ZIK1: variants seen among roughly 807,000 people sequenced by gnomAD.
ZIK1 encodes the protein zinc finger protein interacting with K protein 1.
ZIK1 carries 12 observed loss-of-function variants against 10.7 expected under a neutral mutation model. The observed-to-expected ratio is 1.12, with a 90% CI of 0.72 to 1.81. ZIK1 has a LOEUF of 1.81. ZIK1 is among the 40% of genes most tolerant of loss of function. The probability of loss-of-function intolerance (pLI) is 0.00; values close to 1 mark genes in which losing one functional copy is unlikely to be tolerated. For missense variants in ZIK1, 497 were observed against 585.7 expected, an observed-to-expected ratio of 0.85 and a Z score of 1.56; for synonymous variants, 190 against 205.0, an observed-to-expected ratio of 0.93 and a Z score of 0.63.
At chr19:57,589,198 C>T in intron 3 of ZIK1, 1 of 940,690 alleles carries the variant, frequency 1.1e-6, no homozygotes, top group Non-Finnish European at 1.3e-6. Context: ...CATGAAGGTC[C>T]CACATAGCTA....
intron 2 of ZIK1, 101 bp from the exon 3 acceptor site, chr19:57,588,438 G>A: frequency 7.8e-7 from 1 of 1,277,792 alleles, no homozygotes; most frequent in Non-Finnish European, 1.0e-6. Flanking sequence ...GTGGGCATCT[G>A]TGTCACCAGG....
chr19:57,591,119 G>C lies in ZIK1; in HGVS notation c.1308G>C (p.Glu436Asp). The C allele has an allele frequency of 1.2e-6, 2 of 1,614,186 alleles. No individual in the cohort carries two copies. Among genetic ancestry groups the C allele is most frequent in the Non-Finnish European group, 1.7e-6 (2 of 1,180,036 alleles). The change falls in exon 4 of 4, where the codon GAG becomes GAC. Residue 436 changes from glutamate to aspartate, a missense_variant. Coordinates refer to ENST00000597850, the MANE Select transcript of ZIK1 (RefSeq NM_001010879.4). ...TTCATACTGGAGCAAGGCCTTATGAGTGTGGCCAGTGTGGAAAGTCCTTTA... is the reference window on the plus strand; with the variant it reads ...TTCATACTGGAGCAAGGCCTTATGACTGTGGCCAGTGTGGAAAGTCCTTTA... Reference protein sequence around the residue: ...RRIHTGARPYECGQCGKSFSQ... With the variant: ...RRIHTGARPYDCGQCGKSFSQ...
chr19:57,584,219 T>C lies in ZIK1; in HGVS notation c.-138T>C, dbSNP rs1978917172. 2.1e-6 allele frequency: 3 copies of C among 1,428,912 alleles called. No homozygotes were observed. Among genetic ancestry groups the C allele is most frequent in the South Asian group, 1.4e-5 (1 of 70,454 alleles). The allele number at this position is 1,428,912 out of a possible 1,614,324, so 88.5% of individuals were successfully genotyped here. On this transcript the variant is annotated 5_prime_UTR_variant, in exon 1 of 4. Coordinates refer to ENST00000597850, the MANE Select transcript of ZIK1 (RefSeq NM_001010879.4). The stretch of plus-strand genomic sequence containing the variant: ...TTGGGAGCGCTTTGTTTGGCGACAG[T>C]CGGAAGGCGCGAGGGGAGGGGTCCT...
chr19:57,591,437 C>G lies in ZIK1; in HGVS notation c.*162C>G. The G allele has an allele frequency of 4.2e-6, 3 of 707,382 alleles. No individual in the cohort carries two copies. Among genetic ancestry groups the G allele is most frequent in the Non-Finnish European group, 6.8e-6 (3 of 438,534 alleles). The allele number at this position is 707,382 out of a possible 1,614,324, so 43.8% of individuals were successfully genotyped here. A position where few individuals can be genotyped will look rare whatever the true frequency, so the allele number is the denominator to read the frequency against. On this transcript the variant is annotated 3_prime_UTR_variant, in exon 4 of 4. Coordinates refer to ENST00000597850, the MANE Select transcript of ZIK1 (RefSeq NM_001010879.4). The stretch of plus-strand genomic sequence containing the variant: ...GAGCCTTTGTGAGGGAGCCATCTGC[C>G]TGAAGTTGAACCTCATTCTTCCTTG...
Position 57,590,853 on chromosome 19 carries a change from G to A in ZIK1, c.1042G>A (p.Glu348Lys). The A allele has an allele frequency of 1.9e-6, 3 of 1,613,776 alleles. No individual in the cohort carries two copies. Among genetic ancestry groups the A allele is most frequent in the Non-Finnish European group, 2.5e-6 (3 of 1,179,848 alleles). The change falls in exon 4 of 4, where the codon GAA becomes AAA. Residue 348 changes from glutamate (E) to lysine (K), a missense_variant. Physicochemically the swap from Glu to Lys is moderately conservative, Grantham distance 56 (BLOSUM62 1). Transcript: ENST00000597850. ...LVKHQRVHTG[E>K]RPYKCGECGN... ...TAAACACCAAAGAGTTCACACTGGA[G>A]AAAGGCCTTATAAGTGTGGTGAATG...
Position 57,591,105 on chromosome 19 carries a change from G to T in ZIK1, c.1294G>T (p.Ala432Ser). The change falls in exon 4 of 4, where the codon GCA becomes TCA. Residue 432 changes from alanine (A) to serine (S), a missense_variant. Physicochemically the swap from Ala to Ser is moderately conservative, Grantham distance 99. Coordinates refer to ENST00000597850, the MANE Select transcript of ZIK1 (RefSeq NM_001010879.4). The part of the protein sequence containing the change: ...LIQHRRIHTG[A>S]RPYECGQCGK... Reference sequence around the variant, plus strand: ...TCAACACCGGAGAATTCATACTGGAGCAAGGCCTTATGAGTGTGGCCAGTG... The same window carrying T: ...TCAACACCGGAGAATTCATACTGGATCAAGGCCTTATGAGTGTGGCCAGTG... 6.2e-7 allele frequency: 1 copy of T among 1,614,132 alleles called. No homozygotes were observed. Among genetic ancestry groups the T allele is most frequent in the Non-Finnish European group, 8.5e-7 (1 of 1,180,026 alleles).
intron 3 of ZIK1, chr19:57,589,195 G>A (rs1194504975): frequency 1.2e-5 from 11 of 925,120 alleles, no homozygotes; most frequent in Non-Finnish European, 1.4e-5. Context: ...CTTCATGAAG[G>A]TCCCACATAG....
Position 57,593,103 on chromosome 19 carries a change from G to A in ZIK1, c.*1828G>A, listed in dbSNP as rs1006539944. 3.0e-4 allele frequency: 45 copies of A among 150,372 alleles called. No individual in the cohort carries two copies. The highest frequency in any genetic ancestry group is 1.1e-3 in the African/African-American group (45 of 40,620). The allele number at this position is 150,372 out of a possible 1,614,324, so 9.3% of individuals were successfully genotyped here. A position where few individuals can be genotyped will look rare whatever the true frequency, so the allele number is the denominator to read the frequency against. Reference sequence around the variant, plus strand: ...GTCTGTCACCAGGCTGGAGTGCAGTGGCATGATCTTGGCTCACTCCAACCT... The same window carrying A: ...GTCTGTCACCAGGCTGGAGTGCAGTAGCATGATCTTGGCTCACTCCAACCT... On this transcript the variant is annotated 3_prime_UTR_variant, in exon 4 of 4. Transcript: ENST00000597850.
rs772333234 is a variant in ZIK1, at chr19:57,584,360, G to A, written c.4G>A (p.Ala2Thr). Reference protein sequence around the residue: MAAAALRAPTQV... With the variant: MTAAALRAPTQV... The stretch of plus-strand genomic sequence containing the variant: ...CCCGCTCTGCCCACAGACTCCGATG[G>A]CTGCGGCCGCGCTGAGGGCCCCGAC... The change falls in exon 1 of 4, where the codon GCT becomes ACT. Residue 2 changes from alanine (A) to threonine (T), a missense_variant. By Grantham distance (58) the Ala-to-Thr change is moderately conservative (BLOSUM62 0). Transcript: ENST00000597850. 1.9e-6 allele frequency: 3 copies of A among 1,601,564 alleles called. No homozygotes were observed. The highest frequency in any genetic ancestry group is 3.4e-5 in the Admixed American group (2 of 58,920).
In ZIK1 at chr19:57,590,660, T is replaced by A; in HGVS notation, c.849T>A (p.Asn283Lys). 1 of 1,614,174 alleles carries A rather than the reference T, an allele frequency of 6.2e-7. No homozygotes were observed. Among genetic ancestry groups the A allele is most frequent in the South Asian group, 1.1e-5 (1 of 91,086 alleles). Residue 283 changes from asparagine to lysine, a missense_variant, in exon 4 of 4, where the codon AAT becomes AAA. By Grantham distance (94) the Asn-to-Lys change is moderately conservative. Coordinates refer to ENST00000597850, the MANE Select transcript of ZIK1 (RefSeq NM_001010879.4). ...GKFFSQTSHL[N>K]DHRRIHTGER... ...TCTTTAGCCAAACCTCCCACCTGAA[T>A]GATCATCGGAGAATCCACACCGGAG...
rs1367427263 is a variant in ZIK1, at chr19:57,592,785, A to T, written c.*1510A>T. The T allele has an allele frequency of 1.3e-5, 2 of 152,196 alleles. No homozygotes were observed. The highest frequency in any genetic ancestry group is 2.9e-5 in the Non-Finnish European group (2 of 68,040). The allele number at this position is 152,196 out of a possible 1,614,324, so 9.4% of individuals were successfully genotyped here. On this transcript the variant is annotated 3_prime_UTR_variant, in exon 4 of 4. Transcript: ENST00000597850. ...GAAACATGTTTTACAAACTTTCTTGATGTGTAAGTGACATGCCATAGTTTA... is the reference window on the plus strand; with the variant it reads ...GAAACATGTTTTACAAACTTTCTTGTTGTGTAAGTGACATGCCATAGTTTA...
rs763495679 is a variant in ZIK1, at chr19:57,591,172, A to G, written c.1361A>G (p.Gln454Arg). Reference protein sequence around the residue: ...FSQKSGLIQHQVVHTGERPYE... With the variant: ...FSQKSGLIQHRVVHTGERPYE... The stretch of plus-strand genomic sequence containing the variant: ...CAAAAGTCTGGTCTCATTCAACACC[A>G]AGTGGTTCACACTGGAGAAAGGCCT... Residue 454 changes from glutamine (Q) to arginine (R), a missense_variant, in exon 4 of 4, where the codon CAA (glutamine) becomes CGA (arginine). By Grantham distance (43) the Gln-to-Arg change is conservative. Coordinates refer to ENST00000597850, the MANE Select transcript of ZIK1 (RefSeq NM_001010879.4). The G allele has an allele frequency of 6.2e-7, 1 of 1,614,018 alleles. No homozygotes were observed. The highest frequency in any genetic ancestry group is 8.5e-7 in the Non-Finnish European group (1 of 1,180,030).
Position 57,592,877 on chromosome 19 carries a change from T to G in ZIK1, c.*1602T>G, listed in dbSNP as rs1292212945. On this transcript the variant is annotated 3_prime_UTR_variant, in exon 4 of 4. Transcript: ENST00000597850. ...GCCTGTGAAACCATAATCATGATCA[T>G]GAACATATTCATGATTCACCTCTTG... is the stretch of plus-strand genomic sequence containing the variant. 1 of 152,202 alleles carries G rather than the reference T, an allele frequency of 6.6e-6. No homozygotes were observed. The highest frequency in any genetic ancestry group is 1.9e-4 in the East Asian group (1 of 5,198). 9.4% of individuals were successfully genotyped at this position (152,202 alleles called of 1,614,324 possible).
In ZIK1 at chr19:57,592,762, A is replaced by G. The variant is rs1387169163; in HGVS notation, c.*1487A>G. 1 of 152,222 alleles carries G rather than the reference A, an allele frequency of 6.6e-6. No homozygotes were observed. The highest frequency in any genetic ancestry group is 2.4e-5 in the African/African-American group (1 of 41,450). 9.4% of individuals were successfully genotyped at this position (152,222 alleles called of 1,614,324 possible). The stretch of plus-strand genomic sequence containing the variant: ...TGGGTGATCAGATACTTTATTGTGA[A>G]ACATGTTTTACAAACTTTCTTGATG... On this transcript the variant is annotated 3_prime_UTR_variant, in exon 4 of 4. Coordinates refer to ENST00000597850, the MANE Select transcript of ZIK1 (RefSeq NM_001010879.4).
rs1979817700 is a variant in ZIK1, at chr19:57,592,874, T to C, written c.*1599T>C. 6.6e-6 allele frequency: 1 copy of C among 152,182 alleles called. No homozygotes were observed. The highest frequency in any genetic ancestry group is 1.5e-5 in the Non-Finnish European group (1 of 68,038). 9.4% of individuals were successfully genotyped at this position (152,182 alleles called of 1,614,324 possible). On this transcript the variant is annotated 3_prime_UTR_variant, in exon 4 of 4. Transcript: ENST00000597850. ...CAAGCCTGTGAAACCATAATCATGA[T>C]CATGAACATATTCATGATTCACCTC...
At position 57,590,464 on chromosome 19, in the gene ZIK1, A is replaced by G; in HGVS notation, c.653A>G (p.Lys218Arg). ...KSHYKSGECG[K>R]ASRHKHTPVY... ...CATTACAAGTCAGGTGAATGTGGGA[A>G]GGCTTCCAGGCACAAACACACTCCT... The change falls in exon 4 of 4, where the codon AAG becomes AGG. Residue 218 changes from lysine (K) to arginine (R), a missense_variant. Physicochemically the swap from Lys to Arg is conservative, Grantham distance 26. Coordinates refer to ENST00000597850, the MANE Select transcript of ZIK1 (RefSeq NM_001010879.4). 6.2e-7 allele frequency: 1 copy of G among 1,614,192 alleles called. No individual in the cohort carries two copies. The highest frequency in any genetic ancestry group is 1.1e-5 in the South Asian group (1 of 91,082).
Position 57,590,714 on chromosome 19 carries a change from A to C in ZIK1, c.903A>C (p.Gly301=). ...GERPYECSEC[G]KLFRQNSSLV... The stretch of plus-strand genomic sequence containing the variant: ...GGCCTTATGAGTGCAGCGAATGTGG[A>C]AAATTATTTAGACAAAACTCCAGCC... The change falls in exon 4 of 4, where the codon GGA becomes GGC. Residue 301 remains glycine (G), a synonymous_variant. Coordinates refer to ENST00000597850, the MANE Select transcript of ZIK1 (RefSeq NM_001010879.4). 6.2e-7 allele frequency: 1 copy of C among 1,613,908 alleles called. No individual in the cohort carries two copies.
Position 57,588,527 on chromosome 19 carries a change from C to T in ZIK1, c.73-12C>T, listed in dbSNP as rs759860724. 6 of 1,470,882 alleles carry T rather than the reference C, an allele frequency of 4.1e-6. No homozygotes were observed. The African/African-American group carries it at 8.5e-5, about 21-fold the overall frequency. The allele number at this position is 1,470,882 out of a possible 1,614,324, so 91.1% of individuals were successfully genotyped here. ...GCGTTGATTGTGGAGTGACCTGTCC[C>T]CATCATGACAGGGCTGTGTGACCTT... On this transcript the variant is annotated splice_polypyrimidine_tract_variant and intron_variant, in intron 2 of 3. Transcript: ENST00000597850.
rs1979519454 is a variant in ZIK1 at position 57,590,069 on chromosome 19, A to C, written c.258A>C (p.Gly86=). 1 of 1,614,176 alleles carries C rather than the reference A, an allele frequency of 6.2e-7. No homozygotes were observed. The highest frequency in any genetic ancestry group is 8.5e-7 in the Non-Finnish European group (1 of 1,180,012). ...CTTCTGACCAGAATGTTTCTGTAGG[A>C]GTGTCACAGTCAAAGGCAGGTTCAT... ...ETPSDQNVSV[G]VSQSKAGSST... is the part of the protein sequence containing the mutation. The change falls in exon 4 of 4, where the codon GGA becomes GGC. Residue 86 remains glycine, a synonymous_variant. Transcript: ENST00000597850.
Sources: gnomAD v4.1 joint callset for allele counts on GRCh38, gnomAD v4.1.1 for gene constraint, MANE v1.5 for transcripts, NCBI Gene and HGNC (gene_info 2026-07-23, HGNC 2026-07-21) for gene names.